Variants in EDNRB observed in about 807,000 individuals in gnomAD.
The protein encoded by EDNRB is Hirschsprung disease 2.
In EDNRB, 18 loss-of-function variants were observed where a neutral mutation model predicts 46.4. The observed-to-expected ratio is 0.39, with a 90% CI of 0.27 to 0.57. The LOEUF (loss-of-function observed/expected upper bound fraction) is 0.57, where lower values mean the gene tolerates loss of function less well. Among genes scored for constraint, EDNRB ranks in the 20% least tolerant of loss-of-function variants. The pLI, the probability that EDNRB is intolerant of heterozygous loss-of-function variation, is 0.61. For missense variants in EDNRB, 434 were observed against 537.5 expected (o/e 0.81, Z 1.90); for synonymous variants, 213 against 204.9 (o/e 1.04, Z -0.34).
chr13:77,922,836 C>T (rs549569510), upstream of EDNRB, among the ~76,000 whole-genome samples: 1 of 152,212 alleles, frequency 6.6e-6, no homozygotes, highest in South Asian at 2.1e-4. Flanking sequence ...CTAAGGGGCT[C>T]TTTGAAAATT....
upstream of EDNRB, among the ~76,000 whole-genome samples, chr13:77,921,210 G>T (rs113052811): frequency 3.0e-4 from 46 of 152,266 alleles, no homozygotes; most frequent in African/African-American, 9.6e-4. Context: ...GCCACAAAAT[G>T]AGCTTAAGAA....
intron 1 of EDNRB, among the ~76,000 whole-genome samples, chr13:77,908,826 T>G (rs1797496560): frequency 6.6e-6 from 1 of 152,046 alleles, no homozygotes; most frequent in Non-Finnish European, 1.5e-5. Context: ...ATATTGACAC[T>G]ATGTCGCTTC....
intron 6 of EDNRB, 76 bp downstream of exon 6, chr13:77,899,783 A>G: frequency 9.4e-7 from 1 of 1,058,492 alleles, no homozygotes; most frequent in Non-Finnish European, 1.4e-6. Flanking sequence ...CTGTCTGGAT[A>G]GATATATTAG....
At chr13:77,902,406 C>A (rs148549613) in intron 3 of EDNRB, among the ~76,000 whole-genome samples, 1 of 151,868 alleles carries the variant, frequency 6.6e-6, no homozygotes. Flanking sequence ...CATCTCCTTG[C>A]CCCTAGTTTC....
At position 77,938,933 on chromosome 13, in the gene EDNRB, T is replaced by C. The variant is rs1263733087; in HGVS notation, c.-51-20309A>G. Among the ~76,000 whole-genome samples the C allele has an allele frequency of 2.0e-5, 3 of 152,154 alleles. No homozygotes were observed. In the East Asian group the frequency reaches 5.8e-4, roughly 29 times the overall value. ...GAGCAAAGAGCAGGAGGACAGGGGA[T>C]TGATCTCCCAAGGGAGGTCCCCCTA... On this transcript the variant is annotated intron_variant, in intron 1 of 7. Coordinates refer to the EDNRB transcript ENST00000646948.
chr13:77,927,260 G>A (rs1168903378), intron 1 of EDNRB, among the ~76,000 whole-genome samples: 1 of 152,180 alleles, frequency 6.6e-6, no homozygotes, highest in East Asian at 1.9e-4. Flanking sequence ...AGATCTAGAT[G>A]CTTGAGTAAG....
At position 77,899,846 on chromosome 13, in the gene EDNRB, G is replaced by T. The variant is rs199989094; in HGVS notation, c.1194+13C>A. The T allele has an allele frequency of 1.6e-5, 26 of 1,596,524 alleles. 1 individual carries two copies. Among genetic ancestry groups the T allele is most frequent in the East Asian group, 2.2e-5 (1 of 44,682 alleles). On this transcript the variant is annotated intron_variant, in intron 6 of 6. Transcript: ENST00000646607. ...TATTACAAAGAGCTTTTTATTTTGG[G>T]ATAGTCTCTTACCTTAAAGCAGTTT...
Position 77,896,553 on chromosome 13 carries a change from C to A in EDNRB, c.*1647G>T, listed in dbSNP as rs1194107725. 2 of 1,557,642 alleles carry A rather than the reference C, an allele frequency of 1.3e-6. No individual in the cohort carries two copies. Among genetic ancestry groups the A allele is most frequent in the Non-Finnish European group, 1.7e-6 (2 of 1,149,542 alleles). Reference sequence around the variant, plus strand: ...TTACTAGCTTATTTCCAACATGTGGCCCAGCCTATTAAAAGAAAAACAAAG... The same window carrying A: ...TTACTAGCTTATTTCCAACATGTGGACCAGCCTATTAAAAGAAAAACAAAG... On this transcript the variant is annotated 3_prime_UTR_variant, in exon 7 of 7. Coordinates refer to ENST00000646607, the MANE Select transcript of EDNRB (RefSeq NM_001122659.3).
intron 1 of EDNRB, among the ~76,000 whole-genome samples, chr13:77,913,828 A>G (rs1594369811): frequency 6.6e-6 from 1 of 152,192 alleles, no homozygotes; most frequent in African/African-American, 2.4e-5. Flanking sequence ...ACAACTTAGT[A>G]GTGGAACACC....
At chr13:77,963,635 A>G (rs1402968535) in intron 1 of EDNRB, among the ~76,000 whole-genome samples, 1 of 152,216 alleles carries the variant, frequency 6.6e-6, no homozygotes, top group East Asian at 1.9e-4. Flanking sequence ...TGGATTAAAG[A>G]CTTAAATGTT....
At chr13:77,905,887 G>T (rs919364411) in intron 1 of EDNRB, among the ~76,000 whole-genome samples, 1 of 151,962 alleles carries the variant, frequency 6.6e-6, no homozygotes, top group African/African-American at 2.4e-5. Context: ...TGAAGTTGTA[G>T]AGGGAAGAAT....
intron 1 of EDNRB, among the ~76,000 whole-genome samples, chr13:77,913,678 C>G (rs568850201): frequency 1.3e-5 from 2 of 152,106 alleles, no homozygotes; most frequent in Admixed American, 6.6e-5. Flanking sequence ...AACCTACAAC[C>G]AAGTTTTGTT....
chr13:77,935,577 G>A (rs1880537209), intron 1 of EDNRB, among the ~76,000 whole-genome samples: 2 of 152,190 alleles, frequency 1.3e-5, no homozygotes, highest in African/African-American at 2.4e-5. Context: ...TGAGAGATCA[G>A]TCAGACACAA....
chr13:77,971,659 T>C (rs1165519864), intron 1 of EDNRB, among the ~76,000 whole-genome samples: 1 of 152,110 alleles, frequency 6.6e-6, no homozygotes, highest in Non-Finnish European at 1.5e-5. Context: ...CTAATCTACA[T>C]TTTTATTAAC....
chr13:77,900,657 GAAAT>G lies in EDNRB; in HGVS notation c.952-7_952-4del. 1 of 1,612,062 alleles carries G rather than the reference GAAAT, an allele frequency of 6.2e-7. No homozygotes were observed. The highest frequency in any genetic ancestry group is 8.5e-7 in the Non-Finnish European group (1 of 1,178,854). On this transcript the variant is annotated splice_polypyrimidine_tract_variant and splice_region_variant and intron_variant, in intron 4 of 6. Transcript: ENST00000646607. ...ACGGTTTTGGCCACTTCCCGTCTCTGAAATAAATCCATAGTTTGACCCTTAAAAG... is the reference window on the plus strand; with the variant it reads ...ACGGTTTTGGCCACTTCCCGTCTCTGAAATCCATAGTTTGACCCTTAAAAG...
intron 1 of EDNRB, among the ~76,000 whole-genome samples, chr13:77,959,207 A>G (rs552828674): frequency 1.8e-4 from 28 of 152,180 alleles, no homozygotes; most frequent in Non-Finnish European, 3.5e-4. Flanking sequence ...TTCTCCCAGC[A>G]CGGAGTTTGA....
chr13:77,953,804 G>C (rs1254280355), intron 1 of EDNRB, among the ~76,000 whole-genome samples: 1 of 152,128 alleles, frequency 6.6e-6, no homozygotes, highest in Admixed American at 6.6e-5. Flanking sequence ...AACTCGGATG[G>C]CTGTGACAGG....
intron 1 of EDNRB, among the ~76,000 whole-genome samples, chr13:77,960,486 T>G (rs957782333): frequency 9.9e-5 from 15 of 152,132 alleles, no homozygotes; most frequent in East Asian, 1.9e-4. Flanking sequence ...ACAAGCAAAT[T>G]CGGAGAGATT....
intron 1 of EDNRB, among the ~76,000 whole-genome samples, chr13:77,969,435 C>CTA (rs1881667859): frequency 6.6e-6 from 1 of 152,160 alleles, no homozygotes; most frequent in South Asian, 2.1e-4. Flanking sequence ...ACAATTATGT[C>CTA]TATTTACTTG....
Sources: allele counts gnomAD v4.1 joint callset (sites outside exome capture counted in the v4.1 genomes callset), GRCh38; gene constraint gnomAD v4.1.1; transcripts MANE v1.5; gene names NCBI Gene and HGNC (gene_info 2026-07-23, HGNC 2026-07-21).